Variants in PCSK5 observed in about 807,000 individuals in gnomAD.
PCSK5 encodes prohormone convertase 5.
In PCSK5, 129 loss-of-function variants were observed where a neutral mutation model predicts 233.2. The observed-to-expected ratio is 0.55, with a 90% CI of 0.48 to 0.64. The LOEUF (loss-of-function observed/expected upper bound fraction) is 0.64. PCSK5 is among the 30% of genes least tolerant of loss of function. The pLI is 0.00. For synonymous variants in PCSK5, 825 were observed against 879.2 expected (o/e 0.94, Z 1.09); for missense variants, 2,076 against 2,430.1 (o/e 0.85, Z 3.06).
intron 3 of PCSK5, among the ~76,000 whole-genome samples, chr9:76,019,292 C>T (rs1828081276): frequency 6.6e-6 from 1 of 151,184 alleles, no homozygotes; most frequent in South Asian, 2.1e-4. Context: ...AACTCCTGAA[C>T]TCCAAATTTT....
intron 2 of PCSK5, among the ~76,000 whole-genome samples, chr9:75,977,005 C>A (rs1826052102): frequency 1.3e-5 from 2 of 151,996 alleles, no homozygotes. Flanking sequence ...CTGGAGATGT[C>A]TTTTATTAGT....
At chr9:76,052,873 T>A (rs1266703190) in intron 5 of PCSK5, among the ~76,000 whole-genome samples, 1 of 152,118 alleles carries the variant, frequency 6.6e-6, no homozygotes, top group African/African-American at 2.4e-5. Flanking sequence ...GGTAAATACA[T>A]CCATTTCAAA....
intron 3 of PCSK5, among the ~76,000 whole-genome samples, chr9:75,997,141 A>G (rs1361129522): frequency 6.6e-6 from 1 of 152,212 alleles, no homozygotes; most frequent in African/African-American, 2.4e-5. Context: ...AGAGCCGGTC[A>G]TTTAGATTTC....
chr9:76,059,267 T>G (rs926021319), intron 5 of PCSK5, among the ~76,000 whole-genome samples: 1 of 152,220 alleles, frequency 6.6e-6, no homozygotes, highest in African/African-American at 2.4e-5. Flanking sequence ...TAGACCTTTG[T>G]CAGATAGATA....
At chr9:76,205,336 C>G (rs946758597) in intron 20 of PCSK5, 193 of 477,594 alleles carry the variant, frequency 4.0e-4, no homozygotes, top group East Asian at 1.3e-3. Context: ...GAGGAGGTGG[C>G]GAGACATTCG....
At position 75,932,364 on chromosome 9, in the gene PCSK5, AC is replaced by A; in HGVS notation, c.193-12del. 1 of 1,467,386 alleles carries A rather than the reference AC, an allele frequency of 6.8e-7. No homozygotes were observed. Among genetic ancestry groups the A allele is most frequent in the Non-Finnish European group, 9.5e-7 (1 of 1,050,162 alleles). 90.9% of individuals were successfully genotyped at this position (1,467,386 alleles called of 1,614,324 possible). A position where few individuals can be genotyped will look rare whatever the true frequency, so the allele number is the denominator to read the frequency against. Reference sequence around the variant, plus strand: ...GTCTTTTTTTTGTTCTTTCCTTCCCACCCTTCCTTTGCAGATAGGGGCCCTG... The same window carrying A: ...GTCTTTTTTTTGTTCTTTCCTTCCCACCTTCCTTTGCAGATAGGGGCCCTG... On this transcript the variant is annotated splice_polypyrimidine_tract_variant and intron_variant, in intron 1 of 37. Coordinates refer to ENST00000674117, the MANE Select transcript of PCSK5 (RefSeq NM_001372043.1).
rs529635234 is a variant in PCSK5 at position 76,069,616 on chromosome 9, T to C, written c.721+1573T>C. 2.6e-5 allele frequency among the ~76,000 whole-genome samples: 4 copies of C among 152,298 alleles called. No homozygotes were observed. In the South Asian group the frequency reaches 8.3e-4, roughly 32 times the overall value. On this transcript the variant is annotated intron_variant, in intron 6 of 37. Transcript: ENST00000674117. ...TTTAAACTTGACAAAGTAAAATTCT[T>C]TTTTTGTGAAATTTCTATTAGAAAA...
chr9:76,256,357 C>T (rs1826981208), intron 24 of PCSK5, among the ~76,000 whole-genome samples: 1 of 152,232 alleles, frequency 6.6e-6, no homozygotes, highest in African/African-American at 2.4e-5. Flanking sequence ...GTCTGGATCA[C>T]GTAAGCTTGC....
chr9:75,992,279 G>C (rs919422733), intron 3 of PCSK5, among the ~76,000 whole-genome samples: 2 of 152,094 alleles, frequency 1.3e-5, no homozygotes, highest in African/African-American at 4.8e-5. Flanking sequence ...TTGGTGGGAG[G>C]CTTCTCTTTG....
chr9:75,976,321 CA>C (rs1826019486), intron 2 of PCSK5, among the ~76,000 whole-genome samples: 9 of 143,586 alleles, frequency 6.3e-5, no homozygotes, highest in Admixed American at 3.6e-4. Flanking sequence ...CACACACACA[CA>C]CCTTTTTCTC....
Position 76,296,698 on chromosome 9 carries a change from T to C in PCSK5, c.3356T>C (p.Phe1119Ser). The C allele has an allele frequency of 6.2e-7, 1 of 1,612,538 alleles. No individual in the cohort carries two copies. The highest frequency in any genetic ancestry group is 8.5e-7 in the Non-Finnish European group (1 of 1,179,602). ...TGTGTGAGGAAATGTGGTCCTGGATTCTATGGTGACCAAGAAATGGGAGAA... is the reference window on the plus strand; with the variant it reads ...TGTGTGAGGAAATGTGGTCCTGGATCCTATGGTGACCAAGAAATGGGAGAA... ...GSCVRKCGPG[F>S]YGDQEMGECE... The change falls in exon 27 of 38, where the codon TTC (phenylalanine) becomes TCC (serine). Residue 1119 changes from phenylalanine to serine, a missense_variant. By Grantham distance (155) the Phe-to-Ser change is radical. This residue lies in a region of PCSK5 where 1,510 missense variants were observed against 1,538.1 expected (regional missense o/e 0.98). Transcript: ENST00000674117.
At chr9:75,983,846 C>A (rs1826381641) in intron 2 of PCSK5, among the ~76,000 whole-genome samples, 1 of 152,152 alleles carries the variant, frequency 6.6e-6, no homozygotes, top group Non-Finnish European at 1.5e-5. Context: ...TGGATAATAG[C>A]TTAAAAATAT....
chr9:76,347,763 G>GAAAAAA (rs5898474), intron 35 of PCSK5, among the ~76,000 whole-genome samples: 8 of 126,166 alleles, frequency 6.3e-5, no homozygotes, highest in Non-Finnish European at 1.3e-4. Context: ...AAAATAAAAA[G>GAAAAAA]AAAAAAAAAA....
chr9:75,999,226 A>G (rs951458911), intron 3 of PCSK5, among the ~76,000 whole-genome samples: 5 of 151,936 alleles, frequency 3.3e-5, no homozygotes, highest in African/African-American at 1.2e-4. Context: ...CCAGCCCCCA[A>G]CAGGCCTCGG....
chr9:76,084,518 T>G (rs1830983276), intron 7 of PCSK5, among the ~76,000 whole-genome samples: 1 of 152,222 alleles, frequency 6.6e-6, no homozygotes, highest in Non-Finnish European at 1.5e-5. Context: ...TAACAGTCCT[T>G]TGTTCTTTTG....
At chr9:76,118,396 G>A (rs1482199879) in intron 9 of PCSK5, among the ~76,000 whole-genome samples, 1 of 151,980 alleles carries the variant, frequency 6.6e-6, no homozygotes, top group African/African-American at 2.4e-5. Context: ...ATGAAATGAT[G>A]CTATCCTTAC....
intron 17 of PCSK5, among the ~76,000 whole-genome samples, chr9:76,187,196 A>C (rs904673893): frequency 1.3e-5 from 2 of 152,174 alleles, no homozygotes; most frequent in Admixed American, 6.5e-5. Context: ...AAAGCAGTCA[A>C]TTAAGATGTC....
chr9:75,993,081 A>G (rs1826844997), intron 3 of PCSK5, among the ~76,000 whole-genome samples: 1 of 152,028 alleles, frequency 6.6e-6, no homozygotes, highest in African/African-American at 2.4e-5. Flanking sequence ...TTATACTGTC[A>G]TTTGACTCAT....
chr9:76,025,849 A>G (rs1229269597), intron 4 of PCSK5, among the ~76,000 whole-genome samples: 1 of 152,196 alleles, frequency 6.6e-6, no homozygotes, highest in Non-Finnish European at 1.5e-5. Flanking sequence ...GTTCTACTAT[A>G]CTAAAATGAA....
Sources: allele counts gnomAD v4.1 joint callset (sites outside exome capture counted in the v4.1 genomes callset), GRCh38; gene constraint gnomAD v4.1.1; regional missense constraint gnomAD v4.1.1; transcripts MANE v1.5; gene names NCBI Gene and HGNC (gene_info 2026-07-23, HGNC 2026-07-21).